The following IGF1R variants were observed in gnomAD, a reference collection of about 807,000 sequenced individuals.
The protein encoded by IGF1R is insulin-like growth factor 1 receptor.
In IGF1R, 44 loss-of-function variants were observed where a neutral mutation model predicts 144.6. The observed-to-expected ratio is 0.30, with a 90% confidence interval of 0.24 to 0.39. IGF1R has a LOEUF of 0.39. Ranked by LOEUF, IGF1R falls within the 10% of genes least tolerant of loss-of-function variation. The pLI, the probability that IGF1R is intolerant of heterozygous loss-of-function variation, is 1.00. For synonymous variants in IGF1R, 795 were observed against 722.8 expected (o/e 1.10, Z -1.60); for missense variants, 1,355 against 1,833.7 (o/e 0.74, Z 4.77).
intron 2 of IGF1R, among the ~76,000 whole-genome samples, chr15:98,889,478 G>A (rs544359293): frequency 2.0e-5 from 3 of 152,312 alleles, no homozygotes; most frequent in Non-Finnish European, 2.9e-5. Context: ...TTGCTTTGCC[G>A]ATTGCAATAA....
intron 2 of IGF1R, among the ~76,000 whole-genome samples, chr15:98,716,626 C>T (rs565715918): frequency 1.6e-4 from 25 of 152,256 alleles, no homozygotes; most frequent in African/African-American, 5.3e-4. Flanking sequence ...AAAAGTAGCT[C>T]ACTGTAGAGC....
intron 2 of IGF1R, among the ~76,000 whole-genome samples, chr15:98,858,300 T>G (rs1015156745): frequency 6.6e-6 from 1 of 152,240 alleles, no homozygotes; most frequent in Non-Finnish European, 1.5e-5. Context: ...CTTCGTTGTT[T>G]CCTCAGATAT....
intron 2 of IGF1R, among the ~76,000 whole-genome samples, chr15:98,731,508 C>T (rs1381222280): frequency 1.3e-5 from 2 of 152,288 alleles, no homozygotes; most frequent in African/African-American, 4.8e-5. Context: ...GGTGAATCGT[C>T]GTTGATAACT....
chr15:98,690,309 C>A (rs930615012), intron 1 of IGF1R, among the ~76,000 whole-genome samples: 1 of 151,244 alleles, frequency 6.6e-6, no homozygotes, highest in Non-Finnish European at 1.5e-5. Context: ...TGCCACTGTA[C>A]TCCAACTTGG....
In IGF1R at chr15:98,649,688, C is replaced by G. The variant is rs754876536; in HGVS notation, c.94+13C>G. The G allele has an allele frequency of 1.9e-6, 3 of 1,594,136 alleles. No homozygotes were observed. The highest frequency in any genetic ancestry group is 1.7e-6 in the Non-Finnish European group (2 of 1,164,468). ...ACGAGTGGAGAAAGTGAGTATGTGC[C>G]CGCCGCCCGCGGCCACTGCGGGAAC... On this transcript the variant is annotated intron_variant, in intron 1 of 20. Coordinates refer to ENST00000650285, the MANE Select transcript of IGF1R (RefSeq NM_000875.5).
chr15:98,794,936 A>G (rs1267872343), intron 2 of IGF1R, among the ~76,000 whole-genome samples: 1 of 151,622 alleles, frequency 6.6e-6, no homozygotes, highest in East Asian at 1.9e-4. Context: ...CATCCTTGAC[A>G]CCTCCCCAAC....
rs199672504 is a variant in IGF1R at position 98,916,110 on chromosome 15, C to T, written c.1975C>T (p.Arg659Trp). ...GCAGCCTCAGGACGGCTACCTTTACCGGCACAATTACTGCTCCAAAGGTAA... is the reference window on the plus strand; with the variant it reads ...GCAGCCTCAGGACGGCTACCTTTACTGGCACAATTACTGCTCCAAAGGTAA... ...QRQPQDGYLY[R>W]HNYCSKDKIP... is the part of the protein sequence containing the mutation. Residue 659 changes from arginine to tryptophan, a missense_variant, in exon 9 of 21, where the codon CGG (arginine) becomes TGG (tryptophan). Transcript: ENST00000650285. The T allele has an allele frequency of 8.1e-6, 13 of 1,614,056 alleles. No individual in the cohort carries two copies. Among genetic ancestry groups the T allele is most frequent in the Admixed American group, 3.3e-5 (2 of 60,008 alleles).
intron 2 of IGF1R, among the ~76,000 whole-genome samples, chr15:98,767,117 C>T (rs2055454953): frequency 1.3e-5 from 2 of 152,078 alleles, no homozygotes; most frequent in Admixed American, 1.3e-4. Context: ...TTATTTTTTT[C>T]CATCTGTATT....
intron 2 of IGF1R, among the ~76,000 whole-genome samples, chr15:98,815,974 C>G (rs1156558046): frequency 6.6e-6 from 1 of 152,188 alleles, no homozygotes; most frequent in Admixed American, 6.5e-5. Flanking sequence ...CCTTCTCCTT[C>G]CCTGTGTTCA....
intron 1 of IGF1R, among the ~76,000 whole-genome samples, chr15:98,668,181 G>T (rs768193244): frequency 6.6e-6 from 1 of 152,090 alleles, no homozygotes; most frequent in African/African-American, 2.4e-5. Context: ...TTATGTAAGG[G>T]CATTGTTGCC....
chr15:98,831,829 G>C (rs2057006692), intron 2 of IGF1R, among the ~76,000 whole-genome samples: 1 of 152,166 alleles, frequency 6.6e-6, no homozygotes, highest in Non-Finnish European at 1.5e-5. Flanking sequence ...TTGTGAAAAA[G>C]TCTGTCTGGG....
At chr15:98,887,537 G>T (rs952020744) in intron 2 of IGF1R, among the ~76,000 whole-genome samples, 2 of 152,058 alleles carry the variant, frequency 1.3e-5, no homozygotes, top group Non-Finnish European at 2.9e-5. Context: ...GTAGATGTTG[G>T]TCCCCCCAGT....
intron 11 of IGF1R, among the ~76,000 whole-genome samples, chr15:98,923,388 G>T (rs1041099615): frequency 6.6e-6 from 1 of 152,246 alleles, no homozygotes; most frequent in Non-Finnish European, 1.5e-5. Context: ...CAGTTGCCGC[G>T]TGTAGACGCG....
intron 2 of IGF1R, among the ~76,000 whole-genome samples, chr15:98,720,156 A>G (rs994794196): frequency 7.9e-5 from 12 of 152,230 alleles, no homozygotes; most frequent in African/African-American, 2.9e-4. Context: ...GTATCTAAAT[A>G]AATGCAAACT....
intron 2 of IGF1R, among the ~76,000 whole-genome samples, chr15:98,868,746 G>C: frequency 6.6e-6 from 1 of 152,134 alleles, no homozygotes; most frequent in African/African-American, 2.4e-5. Context: ...TTGGCTTGTT[G>C]CACAGATGAA....
intron 5 of IGF1R, among the ~76,000 whole-genome samples, chr15:98,907,375 C>CA (rs1193368788): frequency 6.6e-6 from 1 of 152,208 alleles, no homozygotes. Flanking sequence ...GCCTCCAGGG[C>CA]AGACGAAGCC....
Position 98,859,313 on chromosome 15 carries a change from C to G in IGF1R, c.641-32012C>G, listed in dbSNP as rs181159799. Among the ~76,000 whole-genome samples, 706 of 152,268 alleles carry G rather than the reference C, an allele frequency of 4.6e-3. 3 individuals are homozygous for G. The highest frequency in any genetic ancestry group is 0.024 in the Middle Eastern group (7 of 294). On this transcript the variant is annotated intron_variant, in intron 2 of 20. Coordinates refer to ENST00000650285, the MANE Select transcript of IGF1R (RefSeq NM_000875.5). ...TGTTTTACGGAAGAACAAATGGAAG[C>G]CTGGAAAAATAAATTGTCTACCTCA...
At chr15:98,790,760 C>T (rs933377632) in intron 2 of IGF1R, among the ~76,000 whole-genome samples, 3 of 152,218 alleles carry the variant, frequency 2.0e-5, no homozygotes, top group South Asian at 2.1e-4. Context: ...TACTGTCTTA[C>T]AAAATTTAGT....
chr15:98,834,812 G>T (rs1029899425), intron 2 of IGF1R, among the ~76,000 whole-genome samples: 3 of 152,110 alleles, frequency 2.0e-5, no homozygotes, highest in African/African-American at 7.2e-5. Flanking sequence ...TTATAAACGA[G>T]CAGGAGTAAA....
Sources: gnomAD v4.1 joint callset for allele counts (sites outside exome capture counted in the v4.1 genomes callset) on GRCh38, gnomAD v4.1.1 for gene constraint, MANE v1.5 for transcripts, NCBI Gene and HGNC (gene_info 2026-07-23, HGNC 2026-07-21) for gene names.